Variants in LTBP1 observed in about 807,000 individuals in gnomAD.
LTBP1 encodes the protein latent transforming growth factor beta binding protein 1.
A neutral mutation model predicts 207.6 loss-of-function variants in LTBP1; 129 were observed. The observed-to-expected ratio is 0.62, with a 90% confidence interval of 0.54 to 0.72. The LOEUF is 0.72. LTBP1 is among the 30% of genes least tolerant of loss of function. The pLI, the probability that LTBP1 is intolerant of heterozygous loss-of-function variation, is 0.00. For synonymous variants in LTBP1, 963 were observed against 833.7 expected, an observed-to-expected ratio of 1.16 and a Z score of -2.67; for missense variants, 2,281 against 2,217.2, an observed-to-expected ratio of 1.03 and a Z score of -0.58.
intron 5 of LTBP1, among the ~76,000 whole-genome samples, chr2:33,165,959 C>T (rs576308977): frequency 6.6e-6 from 1 of 152,150 alleles, no homozygotes; most frequent in East Asian, 1.9e-4. Flanking sequence ...AAAATGCATT[C>T]TTCTTTCCCC....
At chr2:33,204,033 T>C (rs922935710) in intron 7 of LTBP1, among the ~76,000 whole-genome samples, 1 of 152,228 alleles carries the variant, frequency 6.6e-6, no homozygotes, top group Non-Finnish European at 1.5e-5. Flanking sequence ...TGAGATTTGC[T>C]AAAATGAGGA....
At chr2:32,948,505 CT>C (rs1181954762) in intron 1 of LTBP1, among the ~76,000 whole-genome samples, 2 of 152,104 alleles carry the variant, frequency 1.3e-5, no homozygotes, top group Non-Finnish European at 1.5e-5. Flanking sequence ...GCCCTCACTC[CT>C]TTTTGGACAG....
intron 2 of LTBP1, among the ~76,000 whole-genome samples, chr2:32,988,129 GA>G (rs1483471676): frequency 6.6e-6 from 1 of 152,200 alleles, no homozygotes; most frequent in Non-Finnish European, 1.5e-5. Context: ...TATTCAGAGG[GA>G]TTGTGGCCCT....
At chr2:33,151,826 TGTGTGTGTGTG>T (rs2083557137) in intron 5 of LTBP1, among the ~76,000 whole-genome samples, 1 of 964 alleles carries the variant, frequency 1.0e-3, no homozygotes, top group Non-Finnish European at 1.8e-3. Context: ...TTCCATTTTG[TGTGTGTGTGTG>T]TGTGTGTGTG....
At chr2:33,354,465 A>G (rs561619362) in intron 26 of LTBP1, among the ~76,000 whole-genome samples, 2 of 152,176 alleles carry the variant, frequency 1.3e-5, no homozygotes, top group South Asian at 4.1e-4. Flanking sequence ...TGAGGAAAAT[A>G]CGTTCATTTG....
Position 33,367,595 on chromosome 2 carries a change from C to T in LTBP1, c.4711+2092C>T, listed in dbSNP as rs568982261. Reference sequence around the variant, plus strand: ...TTTAGCTACCATTTATAAGTGAGAACGTTCAGTATTTGACTTTCTGCTTCT... The same window carrying T: ...TTTAGCTACCATTTATAAGTGAGAATGTTCAGTATTTGACTTTCTGCTTCT... On this transcript the variant is annotated intron_variant, in intron 31 of 33. Coordinates refer to ENST00000404816, the MANE Select transcript of LTBP1 (RefSeq NM_206943.4). Among the ~76,000 whole-genome samples the T allele has an allele frequency of 2.8e-3, 428 of 152,232 alleles. 1 individual carries two copies. Among genetic ancestry groups the T allele is most frequent in the African/African-American group, 9.9e-3 (412 of 41,522 alleles).
intron 4 of LTBP1, among the ~76,000 whole-genome samples, chr2:33,121,157 G>GTTT (rs1339423250): frequency 2.0e-5 from 1 of 49,604 alleles, no homozygotes; most frequent in Non-Finnish European, 3.9e-5. Context: ...ATTTTGTAAA[G>GTTT]TCTTTTTTTT....
At chr2:33,320,277 G>A (rs535257007) in intron 24 of LTBP1, among the ~76,000 whole-genome samples, 7 of 151,864 alleles carry the variant, frequency 4.6e-5, no homozygotes, top group Admixed American at 6.6e-5. Context: ...GCTGATGCAC[G>A]TGAATTGCTT....
intron 4 of LTBP1, among the ~76,000 whole-genome samples, chr2:33,128,575 T>G (rs1386857573): frequency 6.6e-6 from 1 of 152,222 alleles, no homozygotes; most frequent in Non-Finnish European, 1.5e-5. Flanking sequence ...TTTTCATTTC[T>G]GAAAAAATGT....
chr2:32,996,937 T>G (rs1685379455), intron 2 of LTBP1, among the ~76,000 whole-genome samples: 1 of 152,186 alleles, frequency 6.6e-6, no homozygotes, highest in Non-Finnish European at 1.5e-5. Flanking sequence ...CAGGCTGGAG[T>G]GCTGTGGCAT....
At chr2:33,215,711 C>CTTTTT (rs201936680) in intron 7 of LTBP1, among the ~76,000 whole-genome samples, 14 of 126,032 alleles carry the variant, frequency 1.1e-4, no homozygotes, top group South Asian at 2.5e-4. Flanking sequence ...CATTGGTTTT[C>CTTTTT]TTTTGTTTTT....
At chr2:33,083,847 A>G (rs757229719) in intron 3 of LTBP1, among the ~76,000 whole-genome samples, 3 of 152,232 alleles carry the variant, frequency 2.0e-5, no homozygotes, top group African/African-American at 2.4e-5. Flanking sequence ...CGAAGGGAAC[A>G]TTCTTTCATT....
At chr2:33,050,664 A>G (rs1341573632) in intron 3 of LTBP1, among the ~76,000 whole-genome samples, 1 of 152,132 alleles carries the variant, frequency 6.6e-6, no homozygotes, top group Non-Finnish European at 1.5e-5. Context: ...GGGCCTGGAA[A>G]CAGAACATTT....
At chr2:33,016,044 C>T (rs1688330418) in intron 2 of LTBP1, among the ~76,000 whole-genome samples, 1 of 152,140 alleles carries the variant, frequency 6.6e-6, no homozygotes, top group Non-Finnish European at 1.5e-5. Context: ...TTTGGTAGGA[C>T]TCATACCAAA....
chr2:33,209,954 G>T (rs570411788), intron 7 of LTBP1, among the ~76,000 whole-genome samples: 1 of 152,346 alleles, frequency 6.6e-6, no homozygotes, highest in Non-Finnish European at 1.5e-5. Context: ...GAGAGACGTT[G>T]AGAGTTTTGC....
At chr2:33,166,056 G>A (rs950323629) in intron 5 of LTBP1, among the ~76,000 whole-genome samples, 2 of 141,238 alleles carry the variant, frequency 1.4e-5, no homozygotes, top group African/African-American at 5.3e-5. Flanking sequence ...ACCCCTCTAT[G>A]AGTAATGTAT....
intron 22 of LTBP1, among the ~76,000 whole-genome samples, chr2:33,303,399 G>T (rs1355187805): frequency 6.8e-6 from 1 of 146,646 alleles, no homozygotes; most frequent in East Asian, 2.0e-4. Flanking sequence ...CACCCAGGCT[G>T]AGGGCAGTGG....
At chr2:33,041,543 A>G (rs954460276) in intron 3 of LTBP1, among the ~76,000 whole-genome samples, 4 of 151,964 alleles carry the variant, frequency 2.6e-5, no homozygotes, top group African/African-American at 9.7e-5. Context: ...CTGCATCCCA[A>G]AGTGCTGGGA....
chr2:33,052,986 T>C (rs767521608), intron 3 of LTBP1, among the ~76,000 whole-genome samples: 3 of 152,072 alleles, frequency 2.0e-5, no homozygotes, highest in Non-Finnish European at 4.4e-5. Context: ...GCGATTCTCT[T>C]GCGTCAGCCT....
Sources: gnomAD v4.1 joint callset for allele counts (sites outside exome capture counted in the v4.1 genomes callset) on GRCh38, gnomAD v4.1.1 for gene constraint, MANE v1.5 for transcripts, NCBI Gene and HGNC (gene_info 2026-07-23, HGNC 2026-07-21) for gene names.